Variants in PRDM4 observed in about 807,000 individuals in gnomAD.
PRDM4 encodes the protein PR domain zinc finger protein 4.
In PRDM4, 38 loss-of-function variants were observed where a neutral mutation model predicts 62.3. The ratio of observed to expected loss-of-function variants is 0.61; its 90% CI spans 0.47 to 0.80. PRDM4 has a LOEUF of 0.80. Among genes scored for constraint, PRDM4 ranks in the 30% least tolerant of loss-of-function variants. The probability of loss-of-function intolerance (pLI) is 0.00; values close to 1 mark genes in which losing one functional copy is unlikely to be tolerated. For synonymous variants in PRDM4, 339 were observed against 348.2 expected, an observed-to-expected ratio of 0.97 and a Z score of 0.30; for missense variants, 858 against 997.1, an observed-to-expected ratio of 0.86 and a Z score of 1.88.
chr12:107,736,087 T>A (rs1242840234), intron 11 of PRDM4, among the ~76,000 whole-genome samples: 1 of 152,206 alleles, frequency 6.6e-6, no homozygotes, highest in African/African-American at 2.4e-5. Flanking sequence ...ACTTTTCATC[T>A]TCTACTCTGA....
At chr12:107,749,582 G>A (rs1409376242) in intron 5 of PRDM4, among the ~76,000 whole-genome samples, 1 of 151,846 alleles carries the variant, frequency 6.6e-6, no homozygotes, top group Non-Finnish European at 1.5e-5. Flanking sequence ...CCAGAAACCA[G>A]GGTTTTCTCC....
intron 3 of PRDM4, among the ~76,000 whole-genome samples, chr12:107,754,493 C>G (rs541397373): frequency 5.9e-5 from 9 of 152,122 alleles, no homozygotes; most frequent in Non-Finnish European, 1.3e-4. Flanking sequence ...AGCAATTCTC[C>G]TACCTCAGCC....
intron 3 of PRDM4, among the ~76,000 whole-genome samples, chr12:107,755,737 T>C (rs770606800): frequency 2.6e-4 from 39 of 152,342 alleles, no homozygotes; most frequent in African/African-American, 5.8e-4. Flanking sequence ...TTATTCCATT[T>C]ATATTCTATT....
intron 11 of PRDM4, among the ~76,000 whole-genome samples, chr12:107,735,340 G>T (rs1890294623): frequency 6.6e-6 from 1 of 152,052 alleles, no homozygotes; most frequent in Admixed American, 6.5e-5. Flanking sequence ...GACGGTTCTG[G>T]TTGTCCCATA....
intron 7 of PRDM4, among the ~76,000 whole-genome samples, chr12:107,744,107 C>G (rs911426595): frequency 2.0e-5 from 3 of 151,144 alleles, no homozygotes; most frequent in African/African-American, 7.3e-5. Context: ...GAGCAAGACT[C>G]CATCTCAAGG....
chr12:107,754,763 A>T (rs1380543640), intron 3 of PRDM4: 1 of 152,242 alleles, frequency 6.6e-6, no homozygotes, highest in Non-Finnish European at 1.5e-5. Flanking sequence ...AAATGTTCAT[A>T]GGAGTAGTCC....
At chr12:107,746,758 T>C (rs1446707070) in intron 5 of PRDM4, among the ~76,000 whole-genome samples, 1 of 152,176 alleles carries the variant, frequency 6.6e-6, no homozygotes, top group East Asian at 1.9e-4. Context: ...GTGCTGGTAT[T>C]ACAGGTGTAA....
At chr12:107,738,485 T>G (rs916108451) in intron 11 of PRDM4, 10 of 152,196 alleles carry the variant, frequency 6.6e-5, no homozygotes, top group Non-Finnish European at 1.2e-4. Context: ...ACGTTTTCAG[T>G]GAAGGTAAGA....
intron 9 of PRDM4, among the ~76,000 whole-genome samples, chr12:107,741,537 C>A (rs1332409663): frequency 2.0e-5 from 3 of 152,024 alleles, no homozygotes; most frequent in Non-Finnish European, 2.9e-5. Flanking sequence ...CAGCAAGACC[C>A]CATCTCCATA....
At chr12:107,734,579 A>G in intron 11 of PRDM4, 57 bp from the exon 12 acceptor site, 2 of 1,510,280 alleles carry the variant, frequency 1.3e-6, no homozygotes, top group Non-Finnish European at 9.0e-7. Context: ...CAACTGAGGC[A>G]ACACTTATTC....
chr12:107,760,650 T>TCGCCCGGGGC lies in PRDM4; in HGVS notation c.-145_-136dup, dbSNP rs774084324. ...CCGACGCGGCCACTCGTCCCCGGGGTCGCCCGGGGCCGCCCAACTTCTCCC... is the reference window on the plus strand; with the variant it reads ...CCGACGCGGCCACTCGTCCCCGGGGTCGCCCGGGGCCGCCCGGGGCCGCCCAACTTCTCCC... On this transcript the variant is annotated 5_prime_UTR_variant, in exon 2 of 12. It removes the in-frame stop codon of an upstream open reading frame in the 5' UTR. Transcript: ENST00000228437. 9 of 1,123,130 alleles carry TCGCCCGGGGC rather than the reference T, an allele frequency of 8.0e-6. No individual in the cohort carries two copies. Among genetic ancestry groups the TCGCCCGGGGC allele is most frequent in the Middle Eastern group, 5.1e-4 (2 of 3,888 alleles). The allele number at this position is 1,123,130 out of a possible 1,614,324, so 69.6% of individuals were successfully genotyped here.
At chr12:107,745,897 T>C (rs1158341412) in intron 6 of PRDM4, among the ~76,000 whole-genome samples, 1 of 152,236 alleles carries the variant, frequency 6.6e-6, no homozygotes, top group Non-Finnish European at 1.5e-5. Context: ...TTACAAACAT[T>C]TGATCTAAAG....
intron 11 of PRDM4, chr12:107,738,277 TTCTG>T (rs755338847): frequency 6.6e-5 from 10 of 152,190 alleles, no homozygotes; most frequent in Admixed American, 1.3e-4. Context: ...ATTTGATAAT[TTCTG>T]TCTAATTTTG....
At chr12:107,741,557 A>C (rs941760027) in intron 9 of PRDM4, among the ~76,000 whole-genome samples, 23 of 152,062 alleles carry the variant, frequency 1.5e-4, no homozygotes, top group Admixed American at 1.2e-3. Flanking sequence ...AAAAAAAAAA[A>C]ACTTAAAAAT....
chr12:107,742,560 T>C, intron 8 of PRDM4: 1 of 557,338 alleles, frequency 1.8e-6, no homozygotes, highest in Non-Finnish European at 3.1e-6. Context: ...TGACCTTTTG[T>C]AGTCAAAAAC....
chr12:107,734,922 T>C (rs1423288776), intron 11 of PRDM4, among the ~76,000 whole-genome samples: 1 of 152,170 alleles, frequency 6.6e-6, no homozygotes, highest in Non-Finnish European at 1.5e-5. Context: ...CTAATGAATG[T>C]TTTGGTGGTT....
Position 107,746,367 on chromosome 12 carries a change from G to A in PRDM4, c.1184C>T (p.Thr395Ile). Reference protein sequence around the residue: ...PSDCPEHGPVTFVPDTPIESR... With the variant: ...PSDCPEHGPVIFVPDTPIESR... ...CTCTATTGGAGTGTCAGGAACAAAA[G>A]TCACTGGTCCATGTTCGGGACAGTC... Residue 395 changes from threonine to isoleucine, a missense_variant, in exon 6 of 12, where the codon ACT becomes ATT. Physicochemically the swap from Thr to Ile is moderately conservative, Grantham distance 89 (BLOSUM62 -1). This residue lies in a region of PRDM4 where 499 missense variants were observed against 546.7 expected (regional missense o/e 0.91). Coordinates refer to ENST00000228437, the MANE Select transcript of PRDM4 (RefSeq NM_012406.4). 1 of 1,613,684 alleles carries A rather than the reference G, an allele frequency of 6.2e-7. No individual in the cohort carries two copies. Among genetic ancestry groups the A allele is most frequent in the South Asian group, 1.1e-5 (1 of 90,986 alleles).
At position 107,754,075 on chromosome 12, in the gene PRDM4, G is replaced by A. The variant is rs1401428700; in HGVS notation, c.180C>T (p.Ser60=). 2 of 1,610,848 alleles carry A rather than the reference G, an allele frequency of 1.2e-6. No homozygotes were observed. The highest frequency in any genetic ancestry group is 2.2e-5 in the East Asian group (1 of 44,858). The change falls in exon 4 of 12, where the codon TCC becomes TCT. Residue 60 remains serine (S), a synonymous_variant. Transcript: ENST00000228437. ...ACAGAGCAGAAGGCAGAGAGCTCAG[G>A]GAGGGACCCAGGTTTGGAATTGCCA... ...LPVAIPNLGP[S]LSSLPSALSL... is the part of the protein sequence containing the mutation.
At chr12:107,759,048 C>G (rs925246157) in intron 2 of PRDM4, among the ~76,000 whole-genome samples, 1 of 152,184 alleles carries the variant, frequency 6.6e-6, no homozygotes, top group Non-Finnish European at 1.5e-5. Context: ...GCAGAAGGAT[C>G]GCTTGAGCCC....
Sources: allele counts gnomAD v4.1 joint callset (sites outside exome capture counted in the v4.1 genomes callset), GRCh38; gene constraint gnomAD v4.1.1; regional missense constraint gnomAD v4.1.1; transcripts MANE v1.5; gene names NCBI Gene and HGNC (gene_info 2026-07-23, HGNC 2026-07-21).